Variants in ZNF827 observed in about 807,000 individuals in gnomAD.
ZNF827 encodes zinc finger protein 827.
Under a neutral mutation model 102.4 loss-of-function variants are expected in ZNF827, and 13 were observed. The observed-to-expected ratio is 0.13, with a 90% CI of 0.08 to 0.20. ZNF827 has a LOEUF of 0.20. ZNF827 is among the 10% of genes least tolerant of loss of function. The pLI, the probability that ZNF827 is intolerant of heterozygous loss-of-function variation, is 1.00. For synonymous variants in ZNF827, 523 were observed against 536.2 expected (o/e 0.98, Z 0.34); for missense variants, 1,103 against 1,344.4 (o/e 0.82, Z 2.81).
intron 5 of ZNF827, among the ~76,000 whole-genome samples, chr4:145,851,012 A>G (rs544309638): frequency 6.6e-6 from 1 of 152,344 alleles, no homozygotes; most frequent in African/African-American, 2.4e-5. Flanking sequence ...AGAAGAGGAC[A>G]AGACATAGAA....
chr4:145,823,107 A>G (rs1743313846), intron 8 of ZNF827, among the ~76,000 whole-genome samples: 1 of 152,232 alleles, frequency 6.6e-6, no homozygotes. Flanking sequence ...GCCGGCCTGA[A>G]ATACAACATG....
intron 5 of ZNF827, among the ~76,000 whole-genome samples, chr4:145,861,864 T>C (rs371240328): frequency 1.4e-4 from 21 of 152,302 alleles, no homozygotes; most frequent in Admixed American, 2.0e-4. Flanking sequence ...ATACAAATTT[T>C]CGTGGCTATA....
intron 7 of ZNF827, among the ~76,000 whole-genome samples, chr4:145,824,143 A>T (rs1431376730): frequency 6.6e-6 from 1 of 152,196 alleles, no homozygotes; most frequent in African/African-American, 2.4e-5. Context: ...AGAGGCCCTG[A>T]CCTGAGTGAT....
At chr4:145,816,826 A>T (rs1159252421) in intron 8 of ZNF827, among the ~76,000 whole-genome samples, 1 of 152,250 alleles carries the variant, frequency 6.6e-6, no homozygotes, top group African/African-American at 2.4e-5. Context: ...GAAATGCAAC[A>T]GGAGAAGATA....
At chr4:145,769,258 G>A (rs1198327397) in intron 11 of ZNF827, among the ~76,000 whole-genome samples, 2 of 138,316 alleles carry the variant, frequency 1.4e-5, no homozygotes, top group African/African-American at 7.0e-5. Context: ...CTTCTCTCTT[G>A]GTACAAGAAA....
At position 145,845,975 on chromosome 4, in the gene ZNF827, T is replaced by A; in HGVS notation, c.2260A>T (p.Thr754Ser). 1.2e-6 allele frequency: 2 copies of A among 1,614,184 alleles called. No individual in the cohort carries two copies. The highest frequency in any genetic ancestry group is 1.7e-6 in the Non-Finnish European group (2 of 1,180,028). The change falls in exon 7 of 15, where the codon ACC becomes TCC. Residue 754 changes from threonine (T) to serine (S), a missense_variant. By Grantham distance (58) the Thr-to-Ser change is moderately conservative (BLOSUM62 1). Transcript: ENST00000508784. Reference sequence around the variant, plus strand: ...GCCTACCTGGTCGTGGTCCGGATGGTGTTTTCTTTTGTATGATTGTGCTCT... The same window carrying A: ...GCCTACCTGGTCGTGGTCCGGATGGAGTTTTCTTTTGTATGATTGTGCTCT... ...SKEHNHTKEN[T>S]IRTTTSPFFS... is the part of the protein sequence containing the mutation.
At chr4:145,799,903 C>A (rs1740722354) in intron 8 of ZNF827, among the ~76,000 whole-genome samples, 1 of 152,140 alleles carries the variant, frequency 6.6e-6, no homozygotes, top group East Asian at 1.9e-4. Context: ...AGAGAAGGAG[C>A]CTTAGAGCCG....
At chr4:145,794,973 T>C (rs137892281) in intron 8 of ZNF827, among the ~76,000 whole-genome samples, 267 of 152,222 alleles carry the variant, frequency 1.8e-3, no homozygotes, top group African/African-American at 6.2e-3. Flanking sequence ...AATGGCAAAC[T>C]CTGCTGTCTA....
At chr4:145,833,515 G>A (rs888264146) in intron 7 of ZNF827, among the ~76,000 whole-genome samples, 16 of 151,634 alleles carry the variant, frequency 1.1e-4, no homozygotes, top group South Asian at 4.2e-4. Flanking sequence ...CCTTCTCTCC[G>A]TGTCTCTACC....
chr4:145,836,647 A>C (rs1284814048), intron 7 of ZNF827, among the ~76,000 whole-genome samples: 5 of 151,738 alleles, frequency 3.3e-5, no homozygotes, highest in Non-Finnish European at 5.9e-5. Context: ...CCATGACTGT[A>C]TCTCTCTGAT....
chr4:145,847,582 G>C (rs899295438), intron 6 of ZNF827, among the ~76,000 whole-genome samples: 2 of 152,142 alleles, frequency 1.3e-5, no homozygotes, highest in African/African-American at 2.4e-5. Flanking sequence ...GTGGCTTGAG[G>C]TCTACATCTA....
At chr4:145,783,896 G>C (rs1738469846) in intron 8 of ZNF827, among the ~76,000 whole-genome samples, 1 of 152,212 alleles carries the variant, frequency 6.6e-6, no homozygotes, top group Non-Finnish European at 1.5e-5. Context: ...CAGTATTGGA[G>C]GTGGGGCCTT....
At chr4:145,790,375 A>C (rs539011420) in intron 8 of ZNF827, among the ~76,000 whole-genome samples, 1 of 152,324 alleles carries the variant, frequency 6.6e-6, no homozygotes, top group East Asian at 1.9e-4. Context: ...ATAATTAAAA[A>C]TTTAATGATT....
In ZNF827 at chr4:145,769,022, T is replaced by C. The variant is rs1460336742; in HGVS notation, c.2861-3284A>G. 2.0e-5 allele frequency among the ~76,000 whole-genome samples: 3 copies of C among 149,316 alleles called. No homozygotes were observed. The South Asian group carries it at 6.4e-4, about 32-fold the overall frequency. On this transcript the variant is annotated intron_variant, in intron 11 of 14. Transcript: ENST00000508784. Reference sequence around the variant, plus strand: ...CTTTTATTCCATTTTCAAAATTTTCTAGAGTGACCATATTTTTAAAAGTTT... The same window carrying C: ...CTTTTATTCCATTTTCAAAATTTTCCAGAGTGACCATATTTTTAAAAGTTT...
chr4:145,921,105 G>A (rs549779417), intron 1 of ZNF827, among the ~76,000 whole-genome samples: 1 of 152,334 alleles, frequency 6.6e-6, no homozygotes, highest in South Asian at 2.1e-4. Context: ...TCAGAGAACT[G>A]AGTGTTGCAG....
At chr4:145,825,077 T>C (rs1188198282) in intron 7 of ZNF827, among the ~76,000 whole-genome samples, 1 of 152,164 alleles carries the variant, frequency 6.6e-6, no homozygotes, top group South Asian at 2.1e-4. Flanking sequence ...GGCAGATATG[T>C]CGCTTTCTAC....
intron 8 of ZNF827, among the ~76,000 whole-genome samples, chr4:145,781,226 AAG>A: frequency 7.3e-6 from 1 of 137,170 alleles, no homozygotes; most frequent in Non-Finnish European, 1.6e-5. Flanking sequence ...AAGAAAAAAA[AAG>A]AAAAAAAAAA....
At chr4:145,795,743 C>T (rs185852068) in intron 8 of ZNF827, among the ~76,000 whole-genome samples, 1 of 152,270 alleles carries the variant, frequency 6.6e-6, no homozygotes, top group East Asian at 1.9e-4. Flanking sequence ...ATTAGATTCA[C>T]GTGTGTGAGG....
chr4:145,936,014 G>GA (rs1365676344), intron 1 of ZNF827, among the ~76,000 whole-genome samples: 1 of 151,958 alleles, frequency 6.6e-6, no homozygotes, highest in Non-Finnish European at 1.5e-5. Flanking sequence ...AGAAGAAAGG[G>GA]AAAATGACCA....
Sources: allele counts gnomAD v4.1 joint callset (sites outside exome capture counted in the v4.1 genomes callset), GRCh38; gene constraint gnomAD v4.1.1; transcripts MANE v1.5; gene names NCBI Gene and HGNC (gene_info 2026-07-23, HGNC 2026-07-21).